The following ECPAS variants were observed in gnomAD, a reference collection of about 807,000 sequenced individuals.
The protein encoded by ECPAS is Ecm29 proteasome adaptor and scaffold.
ECPAS carries 70 observed loss-of-function variants against 255.1 expected under a neutral mutation model. That is an observed-to-expected ratio of 0.27 (90% confidence interval 0.23 to 0.33). The LOEUF is 0.33. Among genes scored for constraint, ECPAS ranks in the 10% least tolerant of loss-of-function variants. The pLI, the probability that ECPAS is intolerant of heterozygous loss-of-function variation, is 1.00. For missense variants in ECPAS, 1,817 were observed against 2,206.4 expected (o/e 0.82, Z 3.54); for synonymous variants, 784 against 775.0 (o/e 1.01, Z -0.19).
chr9:111,423,297 C>A, intron 12 of ECPAS, 49 bp from the exon 13 acceptor site: 1 of 1,327,528 alleles, frequency 7.5e-7, no homozygotes, highest in Non-Finnish European at 1.0e-6. Flanking sequence ...AAAAAACAGA[C>A]AAAACAAAAA....
rs1369702779 is a variant in ECPAS at position 111,433,344 on chromosome 9, T to C, written c.737A>G (p.Glu246Gly). 6.2e-7 allele frequency: 1 copy of C among 1,613,876 alleles called. No individual in the cohort carries two copies. The highest frequency in any genetic ancestry group is 8.5e-7 in the Non-Finnish European group (1 of 1,179,868). ...TTCAAGTTCAGGCACCTGTTCAGCT[T>C]CTATGAATTTCACGATTCCCAATTT... ...QCKLGIVKFI[E>G]AEQVPELEAV... is the part of the protein sequence containing the mutation. Residue 246 changes from glutamate (E) to glycine (G), a missense_variant, in exon 8 of 50, where the codon GAA becomes GGA. Around this residue, in one of 4 missense-constraint regions of ECPAS, gnomAD observed 573 missense variants for 716.2 expected, o/e 0.80. Transcript: ENST00000684092.
intron 2 of ECPAS, among the ~76,000 whole-genome samples, chr9:111,459,016 G>T (rs1294769882): frequency 2.0e-5 from 3 of 152,192 alleles, no homozygotes; most frequent in Non-Finnish European, 4.4e-5. Context: ...TAGGTCAAAA[G>T]TGAGGGTGGC....
In ECPAS at chr9:111,411,732, C is replaced by T. The variant is rs114857592; in HGVS notation, c.2214+282G>A. ...GAGATTAGGTGTGTTCACGGTGGTA[C>T]GGCTGCAGGCTCTGAGCATCCTGTT... On this transcript the variant is annotated intron_variant, in intron 21 of 49. Transcript: ENST00000684092. 1,879 of 287,354 alleles carry T rather than the reference C, an allele frequency of 6.5e-3. 27 individuals are homozygous for T. The highest frequency in any genetic ancestry group is 0.039 in the African/African-American group (1,749 of 45,148). The allele number at this position is 287,354 out of a possible 1,614,324, so 17.8% of individuals were successfully genotyped here. A position where few individuals can be genotyped will look rare whatever the true frequency, so the allele number is the denominator to read the frequency against.
rs146690306 is a variant in ECPAS at position 111,421,961 on chromosome 9, C to T, written c.1415G>A (p.Arg472Gln). The change falls in exon 15 of 50, where the codon CGA becomes CAA. Residue 472 changes from arginine to glutamine, a missense_variant. Around this residue, in one of 4 missense-constraint regions of ECPAS, gnomAD observed 573 missense variants for 716.2 expected, o/e 0.80. Transcript: ENST00000684092. ...GAYSTLEGAQ[R>Q]TLMEALVASY... Reference sequence around the variant, plus strand: ...AGCCACAAGTGCCTCCATGAGAGTTCGCTGTGCCCCTTCCAAAGTACTATA... The same window carrying T: ...AGCCACAAGTGCCTCCATGAGAGTTTGCTGTGCCCCTTCCAAAGTACTATA... 70 of 1,613,584 alleles carry T rather than the reference C, an allele frequency of 4.3e-5. No homozygotes were observed. The highest frequency in any genetic ancestry group is 2.4e-4 in the African/African-American group (18 of 75,002).
chr9:111,415,228 C>CGTGTGTGT lies in ECPAS; in HGVS notation c.1765-585_1765-578dup, dbSNP rs541242640. 1.2e-3 allele frequency among the ~76,000 whole-genome samples: 154 copies of CGTGTGTGT among 126,928 alleles called. 1 individual carries two copies. The highest frequency in any genetic ancestry group is 9.4e-3 in the East Asian group (44 of 4,668). The allele number at this position is 126,928 out of a possible 152,430, so 83.3% of individuals were successfully genotyped here. On this transcript the variant is annotated intron_variant, in intron 18 of 49. Transcript: ENST00000684092. ...ATAAAAATCATTATTTTTTAAAAGC[C>CGTGTGTGT]GTGTGTGTGTGTGTGTGTGTGTGTG... is the stretch of plus-strand genomic sequence containing the variant.
chr9:111,412,957 A>C (rs536667084), intron 20 of ECPAS, among the ~76,000 whole-genome samples: 9 of 149,728 alleles, frequency 6.0e-5, no homozygotes, highest in African/African-American at 2.0e-4. Context: ...CACTTATACA[A>C]AAAAAAAAAT....
At chr9:111,457,517 G>A (rs1263011561) in intron 2 of ECPAS, among the ~76,000 whole-genome samples, 4 of 152,174 alleles carry the variant, frequency 2.6e-5, no homozygotes, top group African/African-American at 9.7e-5. Flanking sequence ...CAGGAAGACT[G>A]CTGTTGATAA....
rs901754312 is a variant in ECPAS at position 111,416,121 on chromosome 9, T to C, written c.1764+151A>G. 5.6e-6 allele frequency: 3 copies of C among 531,492 alleles called. No homozygotes were observed. In the East Asian group the frequency reaches 9.0e-5, roughly 16 times the overall value. The allele number at this position is 531,492 out of a possible 1,614,324, so 32.9% of individuals were successfully genotyped here. ...TAAAATAATACCAATTTCCCAATAC[T>C]TTTTTTTTAAATAAACAACCCGATG... On this transcript the variant is annotated intron_variant, in intron 18 of 49. Transcript: ENST00000684092.
At chr9:111,415,796 T>TAA (rs1348353240) in intron 18 of ECPAS, among the ~76,000 whole-genome samples, 2 of 152,228 alleles carry the variant, frequency 1.3e-5, no homozygotes, top group Admixed American at 6.5e-5. Flanking sequence ...CATTGATCGT[T>TAA]AAAATAGGAT....
chr9:111,439,458 A>T (rs555390670), intron 6 of ECPAS, among the ~76,000 whole-genome samples: 1 of 152,122 alleles, frequency 6.6e-6, no homozygotes, highest in East Asian at 1.9e-4. Context: ...TTGTAGAAAT[A>T]GGATTTTGCC....
chr9:111,379,789 AC>A (rs2098138234), intron 35 of ECPAS, among the ~76,000 whole-genome samples: 1 of 152,198 alleles, frequency 6.6e-6, no homozygotes, highest in Non-Finnish European at 1.5e-5. Context: ...ATCTCATGAA[AC>A]CACTTTCTTT....
At chr9:111,433,146 C>A in intron 8 of ECPAS, 87 bp downstream of exon 8, 1 of 1,450,334 alleles carries the variant, frequency 6.9e-7, no homozygotes, top group Non-Finnish European at 9.5e-7. Context: ...TGCCTCATTA[C>A]AAAAAATCCT....
At chr9:111,372,307 A>G (rs1050724514) in intron 42 of ECPAS, 122 bp downstream of exon 42, 2 of 903,162 alleles carry the variant, frequency 2.2e-6, no homozygotes, top group Non-Finnish European at 3.5e-6. Flanking sequence ...TTAAAACTAA[A>G]TGGGATGCAT....
At position 111,392,842 on chromosome 9, in the gene ECPAS, A is replaced by G; in HGVS notation, c.3018T>C (p.Val1006=). ...GATCTTGTTCATTGCCTAGTTCATA[A>G]ACCAACCCAAGGCCCTTTGATGCAA... ...QDVASKGLGL[V]YELGNEQDQQ... Residue 1006 remains valine (V), a synonymous_variant, in exon 28 of 50, where the codon GTT becomes GTC. Transcript: ENST00000684092. The G allele has an allele frequency of 1.2e-6, 2 of 1,613,760 alleles. No individual in the cohort carries two copies. Among genetic ancestry groups the G allele is most frequent in the African/African-American group, 2.7e-5 (2 of 75,038 alleles).
At chr9:111,472,037 G>C (rs1164622401) in intron 2 of ECPAS, among the ~76,000 whole-genome samples, 3 of 152,148 alleles carry the variant, frequency 2.0e-5, no homozygotes, top group African/African-American at 7.2e-5. Flanking sequence ...AGGAGGTCAA[G>C]GCTGCAGTGA....
intron 1 of ECPAS, 193 bp downstream of exon 1, chr9:111,483,923 C>G (rs933033710): frequency 2.9e-5 from 22 of 745,826 alleles, no homozygotes; most frequent in South Asian, 1.1e-4. Context: ...TCCCAGCGGC[C>G]CCCCCGCCGG....
At chr9:111,428,279 C>G in intron 9 of ECPAS, 118 bp from the exon 10 acceptor site, 1 of 888,168 alleles carries the variant, frequency 1.1e-6, no homozygotes, top group South Asian at 2.2e-5. Flanking sequence ...TCCCTTTACA[C>G]TCTTAAAAAT....
At chr9:111,397,758 T>C (rs1169390750) in intron 24 of ECPAS, among the ~76,000 whole-genome samples, 2 of 152,216 alleles carry the variant, frequency 1.3e-5, no homozygotes, top group African/African-American at 2.4e-5. Context: ...TTGATGTTAC[T>C]TTTAAGTGGC....
At chr9:111,386,836 T>C (rs781526387) in intron 31 of ECPAS, among the ~76,000 whole-genome samples, 1 of 152,246 alleles carries the variant, frequency 6.6e-6, no homozygotes, top group Non-Finnish European at 1.5e-5. Flanking sequence ...TCCTACTTGC[T>C]TGGCTAACTC....
Sources: allele counts gnomAD v4.1 joint callset (sites outside exome capture counted in the v4.1 genomes callset), GRCh38; gene constraint gnomAD v4.1.1; regional missense constraint gnomAD v4.1.1; transcripts MANE v1.5; gene names NCBI Gene and HGNC (gene_info 2026-07-23, HGNC 2026-07-21).